WDR48: variants seen among roughly 807,000 people sequenced by gnomAD.
The protein encoded by WDR48 is WD repeat-containing protein 48.
Under a neutral mutation model 94.0 loss-of-function variants are expected in WDR48, and 22 were observed. The ratio of observed to expected loss-of-function variants is 0.23; its 90% CI spans 0.17 to 0.33. WDR48 has a LOEUF of 0.33. WDR48 is among the 10% of genes least tolerant of loss of function. WDR48 has a pLI of 1.00. For missense variants in WDR48, 541 were observed against 813.8 expected, an observed-to-expected ratio of 0.66 and a Z score of 4.08; for synonymous variants, 278 against 280.5, an observed-to-expected ratio of 0.99 and a Z score of 0.09.
chr3:39,069,801 T>C lies in WDR48; in HGVS notation c.672+57T>C, dbSNP rs2033826135. The stretch of plus-strand genomic sequence containing the variant: ...AACCTTGTTAGAAATTTCCGCACTT[T>C]GTATACTATTGCATAGGTTGATTTG... On this transcript the variant is annotated intron_variant, in intron 7 of 18. Transcript: ENST00000302313. 5 of 1,439,390 alleles carry C rather than the reference T, an allele frequency of 3.5e-6. No homozygotes were observed. The Admixed American group carries it at 7.2e-5, about 21-fold the overall frequency. 89.2% of individuals were successfully genotyped at this position (1,439,390 alleles called of 1,614,324 possible). A position where few individuals can be genotyped will look rare whatever the true frequency, so the allele number is the denominator to read the frequency against.
chr3:39,094,881 T>C lies in WDR48; in HGVS notation c.*138T>C, dbSNP rs951344412. The stretch of plus-strand genomic sequence containing the variant: ...GGTATGGACCGAGATTATCTTTCAA[T>C]TGAAGTGACTAATCGAGATGTAATA... On this transcript the variant is annotated 3_prime_UTR_variant, in exon 19 of 19. Transcript: ENST00000302313. 4 of 1,107,114 alleles carry C rather than the reference T, an allele frequency of 3.6e-6. No individual in the cohort carries two copies. Among genetic ancestry groups the C allele is most frequent in the East Asian group, 2.4e-5 (1 of 42,112 alleles). 68.6% of individuals were successfully genotyped at this position (1,107,114 alleles called of 1,614,324 possible).
At chr3:39,052,282 CGG>C (rs3839068) in intron 1 of WDR48, 58,425 of 573,422 alleles carry the variant, frequency 0.1, 3,215 homozygotes, top group Admixed American at 0.15. Context: ...GGCCCAGGCC[CGG>C]GACCCTCGTG....
chr3:39,093,854 A>G lies in WDR48; in HGVS notation c.1746-20A>G. On this transcript the variant is annotated intron_variant, in intron 17 of 18. Coordinates refer to ENST00000302313, the MANE Select transcript of WDR48 (RefSeq NM_020839.4). ...CTAGTGATTTCCCTGATGTCACAATATGCCATTGCTTTTTTACAGAGATAG... is the reference window on the plus strand; with the variant it reads ...CTAGTGATTTCCCTGATGTCACAATGTGCCATTGCTTTTTTACAGAGATAG... 6.6e-7 allele frequency: 1 copy of G among 1,520,324 alleles called. No individual in the cohort carries two copies. Among genetic ancestry groups the G allele is most frequent in the Non-Finnish European group, 8.8e-7 (1 of 1,136,046 alleles). The allele number at this position is 1,520,324 out of a possible 1,614,324, so 94.2% of individuals were successfully genotyped here. A position where few individuals can be genotyped will look rare whatever the true frequency, so the allele number is the denominator to read the frequency against.
At chr3:39,063,484 A>T (rs1359656659) in intron 2 of WDR48, among the ~76,000 whole-genome samples, 3 of 152,232 alleles carry the variant, frequency 2.0e-5, no homozygotes, top group Admixed American at 2.0e-4. Context: ...ACTTTCAACA[A>T]TTAATTTTTT....
intron 1 of WDR48, among the ~76,000 whole-genome samples, chr3:39,057,770 G>C (rs759259284): frequency 6.6e-6 from 1 of 151,922 alleles, no homozygotes; most frequent in East Asian, 1.9e-4. Flanking sequence ...CTACAGGTGC[G>C]CACCACCACA....
rs530212131 is a variant in WDR48, at chr3:39,094,020, T to C, written c.1892T>C (p.Ile631Thr). 6.2e-6 allele frequency: 10 copies of C among 1,613,996 alleles called. No individual in the cohort carries two copies. The highest frequency in any genetic ancestry group is 1.6e-4 in the Middle Eastern group (1 of 6,062). Reference protein sequence around the residue: ...KPGEQEKEEDIAVLAEEKIEL... With the variant: ...KPGEQEKEEDTAVLAEEKIEL... The stretch of plus-strand genomic sequence containing the variant: ...GGAGAACAGGAAAAAGAAGAAGATA[T>C]TGCTGTGTTGGCAGAGGAGAAAATT... Residue 631 changes from isoleucine (I) to threonine (T), a missense_variant, in exon 18 of 19, where the codon ATT becomes ACT. This residue lies in a region of WDR48 where 109 missense variants were observed against 195.5 expected (regional missense o/e 0.56). Transcript: ENST00000302313.
chr3:39,085,095 C>T (rs1339486173), intron 13 of WDR48, among the ~76,000 whole-genome samples: 1 of 151,988 alleles, frequency 6.6e-6, no homozygotes, highest in Admixed American at 6.6e-5. Flanking sequence ...GGCGTGGTGG[C>T]GGGTGCCTGT....
chr3:39,081,506 T>C lies in WDR48; in HGVS notation c.1173+1698T>C, dbSNP rs192041212. 8.5e-3 allele frequency among the ~76,000 whole-genome samples: 1,290 copies of C among 152,160 alleles called. 8 individuals are homozygous for C. The highest frequency in any genetic ancestry group is 0.01 in the Non-Finnish European group (701 of 67,968). ...TTCTCTACAATAGAGAGATGCCTGT[T>C]GGGGGTGGGGGTAGAAACACATTGA... On this transcript the variant is annotated intron_variant, in intron 11 of 18. Coordinates refer to ENST00000302313, the MANE Select transcript of WDR48 (RefSeq NM_020839.4).
At chr3:39,065,950 T>A in intron 3 of WDR48, 61 bp downstream of exon 3, 1 of 1,284,526 alleles carries the variant, frequency 7.8e-7, no homozygotes, top group Non-Finnish European at 1.1e-6. Flanking sequence ...TTATATAAGC[T>A]TTTTTATTGA....
At position 39,069,649 on chromosome 3, in the gene WDR48, C is replaced by A. The variant is rs2293312; in HGVS notation, c.577C>A (p.Arg193=). 0.33 allele frequency: 537,428 copies of A among 1,608,396 alleles called. 99,030 individuals are homozygous for A. Among genetic ancestry groups the A allele is most frequent in the African/African-American group, 0.78 (58,208 of 74,794 alleles). The part of the protein sequence containing the change: ...IVSGSTEKVL[R]VWDPRTCAKL... ...ACTCTATTAAAATTCACAGGTGTTACGGGTATGGGATCCAAGAACATGTGC... is the reference window on the plus strand; with the variant it reads ...ACTCTATTAAAATTCACAGGTGTTAAGGGTATGGGATCCAAGAACATGTGC... Residue 193 remains arginine (R), a synonymous_variant, in exon 7 of 19, where the codon CGG becomes AGG. Coordinates refer to ENST00000302313, the MANE Select transcript of WDR48 (RefSeq NM_020839.4).
chr3:39,090,594 A>T (rs1204971219), intron 16 of WDR48: 3 of 152,106 alleles, frequency 2.0e-5, no homozygotes, highest in Admixed American at 6.5e-5. Flanking sequence ...GTTTGGTGTG[A>T]AGTAGGATTT....
chr3:39,091,731 T>G, intron 17 of WDR48, 30 bp downstream of exon 17: 1 of 1,534,112 alleles, frequency 6.5e-7, no homozygotes, highest in Non-Finnish European at 8.9e-7. Flanking sequence ...CTTGATCTAA[T>G]TAACTACTAG....
chr3:39,092,307 G>C (rs2035116542), intron 17 of WDR48, among the ~76,000 whole-genome samples: 1 of 152,196 alleles, frequency 6.6e-6, no homozygotes, highest in South Asian at 2.1e-4. Flanking sequence ...ATGAGCTTTT[G>C]GCTGGAGCTT....
chr3:39,080,780 G>A (rs1430449722), intron 11 of WDR48, among the ~76,000 whole-genome samples: 2 of 152,218 alleles, frequency 1.3e-5, no homozygotes, highest in Non-Finnish European at 1.5e-5. Flanking sequence ...GATGCATAAT[G>A]GGAGTAGAAG....
chr3:39,073,405 G>A (rs1214966368), intron 7 of WDR48, among the ~76,000 whole-genome samples: 2 of 152,106 alleles, frequency 1.3e-5, no homozygotes, highest in Non-Finnish European at 2.9e-5. Flanking sequence ...GAGTTCTCAA[G>A]GGCCCTTAAA....
chr3:39,082,540 A>G (rs759898245), intron 11 of WDR48, among the ~76,000 whole-genome samples: 2 of 152,046 alleles, frequency 1.3e-5, no homozygotes, highest in Non-Finnish European at 2.9e-5. Context: ...TTGGCCTCCC[A>G]CAGTGCTGAG....
Position 39,058,805 on chromosome 3 carries a change from G to A in WDR48, c.49-4245G>A, listed in dbSNP as rs117383062. ...AAAAAATATAAATGTGGCTGGGCGCGGTGGCTCACACCTGTAATCCCAGCA... is the reference window on the plus strand; with the variant it reads ...AAAAAATATAAATGTGGCTGGGCGCAGTGGCTCACACCTGTAATCCCAGCA... On this transcript the variant is annotated intron_variant, in intron 1 of 18. Transcript: ENST00000302313. Among the ~76,000 whole-genome samples the A allele has an allele frequency of 5.7e-3, 868 of 152,210 alleles. 21 individuals are homozygous for A. Among genetic ancestry groups the A allele is most frequent in the Admixed American group, 0.049 (751 of 15,298 alleles).
intron 9 of WDR48, among the ~76,000 whole-genome samples, chr3:39,077,442 T>C (rs1418656582): frequency 6.6e-6 from 1 of 152,210 alleles, no homozygotes; most frequent in Non-Finnish European, 1.5e-5. Flanking sequence ...CCAAGATACA[T>C]GTTCCATGTC....
chr3:39,060,299 TTATATA>T (rs2033171020), intron 1 of WDR48, among the ~76,000 whole-genome samples: 1 of 152,252 alleles, frequency 6.6e-6, no homozygotes, highest in South Asian at 2.1e-4. Flanking sequence ...ATCCTAGACA[TTATATA>T]TAAATAGAGT....
Sources: gnomAD v4.1 joint callset for allele counts (sites outside exome capture counted in the v4.1 genomes callset) on GRCh38, gnomAD v4.1.1 for gene constraint, gnomAD v4.1.1 regional missense constraint, MANE v1.5 for transcripts, NCBI Gene and HGNC (gene_info 2026-07-23, HGNC 2026-07-21) for gene names.